CNTN4: variants seen among roughly 807,000 people sequenced by gnomAD.
The protein encoded by CNTN4 is contactin-4.
Under a neutral mutation model 122.5 loss-of-function variants are expected in CNTN4, and 77 were observed. The ratio of observed to expected loss-of-function variants is 0.63; its 90% confidence interval spans 0.52 to 0.76. CNTN4 has a LOEUF of 0.76. Ranked by LOEUF, CNTN4 falls within the 30% of genes least tolerant of loss-of-function variation. CNTN4 has a pLI of 0.00. For missense variants in CNTN4, 1,256 were observed against 1,259.1 expected, an observed-to-expected ratio of 1.00 and a Z score of 0.04; for synonymous variants, 512 against 447.0, an observed-to-expected ratio of 1.15 and a Z score of -1.83.
At chr3:2,549,905 A>G (rs748028363) in intron 3 of CNTN4, among the ~76,000 whole-genome samples, 5 of 152,118 alleles carry the variant, frequency 3.3e-5, no homozygotes, top group African/African-American at 4.8e-5. Flanking sequence ...CAGGGATTCA[A>G]CTTCTTCCTG....
In CNTN4 at chr3:2,434,585, C is replaced by T. The variant is rs554426581; in HGVS notation, c.-89+95352C>T. 7.9e-5 allele frequency among the ~76,000 whole-genome samples: 12 copies of T among 152,240 alleles called. 1 individual carries two copies. Among genetic ancestry groups the T allele is most frequent in the South Asian group, 4.1e-4 (2 of 4,826 alleles). The stretch of plus-strand genomic sequence containing the variant: ...AGATTAGAGTTTGTTTTGTAATTTC[C>T]GGGGCTGGCACTGTTTTTCTTGGAA... On this transcript the variant is annotated intron_variant, in intron 3 of 24. Coordinates refer to ENST00000418658, the MANE Select transcript of CNTN4 (RefSeq NM_175607.3).
intron 3 of CNTN4, among the ~76,000 whole-genome samples, chr3:2,383,934 T>A (rs976601753): frequency 1.3e-5 from 2 of 152,154 alleles, no homozygotes; most frequent in African/African-American, 4.8e-5. Flanking sequence ...ACCATTAAGT[T>A]GGAGACCTTC....
chr3:2,736,259 C>T lies in CNTN4; in HGVS notation c.100C>T (p.Pro34Ser). The T allele has an allele frequency of 6.2e-7, 1 of 1,613,484 alleles. No homozygotes were observed. Among genetic ancestry groups the T allele is most frequent in the East Asian group, 2.2e-5 (1 of 44,810 alleles). ...CCCGATTTTTATTCAAGAACCAAGT[C>T]CTGTAATGTTCCCTTTGGATTCTGA... Reference protein sequence around the residue: ...HGPIFIQEPSPVMFPLDSEEK... With the variant: ...HGPIFIQEPSSVMFPLDSEEK... The change falls in exon 5 of 25, where the codon CCT becomes TCT. Residue 34 changes from proline to serine, a missense_variant. By Grantham distance (74) the Pro-to-Ser change is moderately conservative. Transcript: ENST00000418658.
intron 2 of CNTN4, among the ~76,000 whole-genome samples, chr3:2,260,236 G>T (rs1213912223): frequency 6.6e-6 from 1 of 152,042 alleles, no homozygotes; most frequent in Non-Finnish European, 1.5e-5. Flanking sequence ...GTGATTGTTT[G>T]TTGCAGGAGG....
intron 3 of CNTN4, among the ~76,000 whole-genome samples, chr3:2,533,339 T>C (rs1284342653): frequency 2.0e-5 from 3 of 151,968 alleles, no homozygotes; most frequent in Non-Finnish European, 4.4e-5. Flanking sequence ...CGTGTCCAAG[T>C]GTTCTCATTA....
chr3:2,458,100 T>C (rs1242654520), intron 3 of CNTN4, among the ~76,000 whole-genome samples: 2 of 152,148 alleles, frequency 1.3e-5, no homozygotes, highest in African/African-American at 4.8e-5. Flanking sequence ...TTGCAAACTA[T>C]GGAGACTGTA....
intron 7 of CNTN4, 65 bp downstream of exon 7, chr3:2,819,646 C>A: frequency 8.4e-7 from 1 of 1,191,520 alleles, no homozygotes; most frequent in Non-Finnish European, 1.3e-6. Context: ...TCAATGTTCT[C>A]CCTCCTGACA....
intron 7 of CNTN4, among the ~76,000 whole-genome samples, chr3:2,835,404 A>C (rs2093204289): frequency 1.3e-5 from 2 of 152,160 alleles, no homozygotes; most frequent in South Asian, 4.1e-4. Context: ...GAATTTGAAT[A>C]ATGTAATAAT....
At chr3:2,126,826 A>G (rs772506377) in intron 2 of CNTN4, among the ~76,000 whole-genome samples, 1 of 152,146 alleles carries the variant, frequency 6.6e-6, no homozygotes, top group Non-Finnish European at 1.5e-5. Flanking sequence ...GGGTTTATCA[A>G]AAGGTGAAAT....
intron 2 of CNTN4, among the ~76,000 whole-genome samples, chr3:2,135,749 C>T (rs1162954672): frequency 1.3e-5 from 2 of 152,068 alleles, no homozygotes; most frequent in African/African-American, 4.8e-5. Flanking sequence ...GCTCTAATTG[C>T]CTGACCTATG....
At chr3:2,624,944 AT>A (rs1345319457) in intron 4 of CNTN4, among the ~76,000 whole-genome samples, 1 of 151,924 alleles carries the variant, frequency 6.6e-6, no homozygotes, top group Non-Finnish European at 1.5e-5. Context: ...CTGATTCTTA[AT>A]TTTAGCTGTA....
At chr3:2,856,939 A>G (rs1408593347) in intron 7 of CNTN4, among the ~76,000 whole-genome samples, 6 of 152,202 alleles carry the variant, frequency 3.9e-5, no homozygotes, top group Non-Finnish European at 7.3e-5. Context: ...TGGTAGGATT[A>G]ATCTGACAGC....
intron 2 of CNTN4, among the ~76,000 whole-genome samples, chr3:2,281,132 A>G (rs758572233): frequency 5.3e-5 from 8 of 152,182 alleles, no homozygotes; most frequent in Non-Finnish European, 1.0e-4. Context: ...CCTCATTTCT[A>G]AAAGCTAATT....
At chr3:2,381,670 A>G (rs1012897440) in intron 3 of CNTN4, among the ~76,000 whole-genome samples, 9 of 152,192 alleles carry the variant, frequency 5.9e-5, no homozygotes, top group African/African-American at 1.7e-4. Flanking sequence ...TTTTCTTCCA[A>G]TTAAAATATT....
rs1553663018 is a variant in CNTN4, at chr3:2,481,055, TTCTTTCTC to T, written c.-88-90329_-88-90322del. On this transcript the variant is annotated intron_variant, in intron 3 of 24. Coordinates refer to ENST00000418658, the MANE Select transcript of CNTN4 (RefSeq NM_175607.3). Reference sequence around the variant, plus strand: ...TTCTTTTCTTTCTTTCTTTCTTTCTTTCTTTCTCTCTTTCTCTCTTTCTCTCTTTCTCT... The same window carrying T: ...TTCTTTTCTTTCTTTCTTTCTTTCTTTCTTTCTCTCTTTCTCTCTTTCTCT... Among the ~76,000 whole-genome samples the T allele has an allele frequency of 4.8e-3, 641 of 134,878 alleles. 3 individuals are homozygous for T. Among genetic ancestry groups the T allele is most frequent in the South Asian group, 0.01 (44 of 4,274 alleles). 88.5% of individuals were successfully genotyped at this position (134,878 alleles called of 152,430 possible). A position where few individuals can be genotyped will look rare whatever the true frequency, so the allele number is the denominator to read the frequency against.
intron 14 of CNTN4, among the ~76,000 whole-genome samples, chr3:2,994,163 T>C (rs1368612138): frequency 1.3e-5 from 2 of 152,148 alleles, no homozygotes; most frequent in East Asian, 3.9e-4. Context: ...CCAGCCTAAA[T>C]CAGCAGAACT....
chr3:2,578,738 G>A (rs564018565), intron 4 of CNTN4, among the ~76,000 whole-genome samples: 5 of 152,188 alleles, frequency 3.3e-5, no homozygotes, highest in African/African-American at 7.2e-5. Flanking sequence ...CATGCTGACC[G>A]AAGCCAAAGC....
At position 2,509,089 on chromosome 3, in the gene CNTN4, T is replaced by C. The variant is rs185911832; in HGVS notation, c.-88-62327T>C. On this transcript the variant is annotated intron_variant, in intron 3 of 24. Transcript: ENST00000418658. Reference sequence around the variant, plus strand: ...AATTACCAGGCAAACAGGGATTGAATAGAACTTAAAACCAATTAAACTATT... The same window carrying C: ...AATTACCAGGCAAACAGGGATTGAACAGAACTTAAAACCAATTAAACTATT... Among the ~76,000 whole-genome samples, 549 of 152,348 alleles carry C rather than the reference T, an allele frequency of 3.6e-3. 2 individuals carry two copies. Among genetic ancestry groups the C allele is most frequent in the South Asian group, 9.3e-3 (45 of 4,826 alleles).
intron 3 of CNTN4, among the ~76,000 whole-genome samples, chr3:2,458,032 G>C (rs977544909): frequency 3.9e-5 from 6 of 152,012 alleles, no homozygotes; most frequent in African/African-American, 1.2e-4. Flanking sequence ...AATGTGTTCC[G>C]TCTGTGGAAC....
Sources: gnomAD v4.1 joint callset for allele counts (sites outside exome capture counted in the v4.1 genomes callset) on GRCh38, gnomAD v4.1.1 for gene constraint, MANE v1.5 for transcripts, NCBI Gene and HGNC (gene_info 2026-07-23, HGNC 2026-07-21) for gene names.